Variants in ABCA4 observed in about 807,000 individuals in gnomAD.
ABCA4 encodes retinal-specific phospholipid-transporting ATPase ABCA4.
A neutral mutation model predicts 263.7 loss-of-function variants in ABCA4; 196 were observed. The observed-to-expected ratio is 0.74, with a 90% confidence interval of 0.66 to 0.84. The LOEUF is 0.84. Among genes scored for constraint, ABCA4 ranks in the 40% least tolerant of loss-of-function variants. The pLI, the probability that ABCA4 is intolerant of heterozygous loss-of-function variation, is 0.00. For missense variants in ABCA4, 2,792 were observed against 2,855.1 expected (o/e 0.98, Z 0.50); for synonymous variants, 1,133 against 1,094.2 (o/e 1.04, Z -0.70).
chr1:94,065,319 C>G (rs1280822864), intron 11 of ABCA4, among the ~76,000 whole-genome samples: 2 of 152,168 alleles, frequency 1.3e-5, no homozygotes, highest in East Asian at 1.9e-4. Context: ...GTGACTCCCC[C>G]AGAGGCGTGG....
intron 19 of ABCA4, chr1:94,045,578 T>C (rs924507166): frequency 8.1e-6 from 3 of 369,856 alleles, no homozygotes; most frequent in African/African-American, 2.1e-5. Context: ...CCATATCAGT[T>C]AGCATGGAGA....
At chr1:94,055,496 GTC>G (rs1660951371) in intron 15 of ABCA4, among the ~76,000 whole-genome samples, 181 bp from the exon 16 acceptor site, 2 of 152,094 alleles carry the variant, frequency 1.3e-5, no homozygotes, top group African/African-American at 4.8e-5. Flanking sequence ...AGTTCAGAGT[GTC>G]TCTCTGCAAA....
chr1:93,995,146 G>A (rs1658964864), intron 49 of ABCA4, among the ~76,000 whole-genome samples: 2 of 152,198 alleles, frequency 1.3e-5, no homozygotes, highest in African/African-American at 4.8e-5. Context: ...TAAGGGGTGG[G>A]AAGACAAAGT....
intron 4 of ABCA4, 75 bp downstream of exon 4, chr1:94,108,502 C>T: frequency 2.5e-6 from 4 of 1,602,830 alleles, no homozygotes; most frequent in Non-Finnish European, 3.4e-6. Context: ...ACCAACTCTC[C>T]CTGTTCTTTC....
intron 11 of ABCA4, among the ~76,000 whole-genome samples, chr1:94,069,362 T>G (rs1661349999): frequency 6.6e-6 from 1 of 152,150 alleles, no homozygotes; most frequent in Non-Finnish European, 1.5e-5. Flanking sequence ...ATGATCAAAG[T>G]GGGGAGCAAC....
At chr1:94,011,432 C>G (rs1174230275) in intron 38 of ABCA4, 47 bp from the exon 39 acceptor site, 22 of 1,603,164 alleles carry the variant, frequency 1.4e-5, no homozygotes, top group South Asian at 2.2e-5. Context: ...AACCCCACCC[C>G]CCCTCTCTTC....
At chr1:94,009,618 C>A (rs1557763159) in intron 40 of ABCA4, among the ~76,000 whole-genome samples, 3 of 152,216 alleles carry the variant, frequency 2.0e-5, no homozygotes, top group Non-Finnish European at 1.5e-5. Flanking sequence ...TCCTGCCCCA[C>A]CAAATGGAAT....
chr1:94,109,414 C>A (rs1331754459), intron 3 of ABCA4, among the ~76,000 whole-genome samples: 1 of 152,234 alleles, frequency 6.6e-6, no homozygotes, highest in Non-Finnish European at 1.5e-5. Context: ...TCCACAAGGA[C>A]CTCCCTGCAC....
At chr1:94,048,810 C>T (rs1366250911) in intron 18 of ABCA4, 58 bp downstream of exon 18, 12 of 1,543,086 alleles carry the variant, frequency 7.8e-6, no homozygotes, top group Non-Finnish European at 1.1e-5. Context: ...CTCTGGCCCT[C>T]TGCAGTGCTT....
chr1:94,084,299 G>A (rs931245663), intron 6 of ABCA4, among the ~76,000 whole-genome samples: 1 of 152,256 alleles, frequency 6.6e-6, no homozygotes, highest in Admixed American at 6.5e-5. Flanking sequence ...GAGTAGGTGT[G>A]AAGTGAGCAC....
chr1:94,027,992 T>C (rs1276993929), intron 30 of ABCA4, among the ~76,000 whole-genome samples: 2 of 152,242 alleles, frequency 1.3e-5, no homozygotes. Context: ...TTGTTTTATC[T>C]GCTGTTAGTT....
intron 6 of ABCA4, among the ~76,000 whole-genome samples, chr1:94,088,128 A>G (rs545581760): frequency 2.6e-5 from 4 of 152,298 alleles, no homozygotes; most frequent in African/African-American, 9.6e-5. Flanking sequence ...AAGATGCTTT[A>G]TCAAGAACCC....
chr1:94,080,807 T>C, intron 7 of ABCA4, 89 bp from the exon 8 acceptor site: 1 of 1,567,556 alleles, frequency 6.4e-7, no homozygotes, highest in South Asian at 1.1e-5. Flanking sequence ...TGGTTTGACT[T>C]CCACATTTAA....
chr1:94,021,176 C>T, intron 35 of ABCA4, 64 bp downstream of exon 35: 1 of 1,608,392 alleles, frequency 6.2e-7, no homozygotes. Context: ...AGAATCCTCT[C>T]AGGATGTTCA....
intron 38 of ABCA4, among the ~76,000 whole-genome samples, chr1:94,013,602 G>T (rs935568019): frequency 6.6e-5 from 10 of 152,210 alleles, no homozygotes; most frequent in Non-Finnish European, 1.5e-4. Flanking sequence ...TGGGGACTGG[G>T]AGTGTGGAGT....
Position 94,080,659 on chromosome 1 carries a change from A to G in ABCA4, c.918T>C (p.Asn306=). 1 of 1,614,114 alleles carries G rather than the reference A, an allele frequency of 6.2e-7. No homozygotes were observed. Among genetic ancestry groups the G allele is most frequent in the South Asian group, 1.1e-5 (1 of 91,064 alleles). The change falls in exon 8 of 50, where the codon AAT becomes AAC. Residue 306 remains asparagine (N), a synonymous_variant. Transcript: ENST00000370225. ...GCTTTGTAAAGGTCTCTGGACCACCATTCTGCATGAGGGGCCTGGTCACCC... is the reference window on the plus strand; with the variant it reads ...GCTTTGTAAAGGTCTCTGGACCACCGTTCTGCATGAGGGGCCTGGTCACCC... ...LLWVTRPLMQ[N]GGPETFTKLM...
At chr1:94,022,842 T>C (rs17110878) in intron 32 of ABCA4, among the ~76,000 whole-genome samples, 5,932 of 152,214 alleles carry the variant, frequency 0.039, 394 homozygotes, top group African/African-American at 0.14. Flanking sequence ...CGGTCTAGAA[T>C]CTGCCCAGGA....
At chr1:94,048,351 G>A (rs79760310) in intron 18 of ABCA4, among the ~76,000 whole-genome samples, 1 of 152,234 alleles carries the variant, frequency 6.6e-6, no homozygotes, top group Non-Finnish European at 1.5e-5. Flanking sequence ...GTAAATCTGG[G>A]TCGTCAGTTT....
In ABCA4 at chr1:94,026,650, T is replaced by C. The variant is rs376613803; in HGVS notation, c.4540-1602A>G. Among the ~76,000 whole-genome samples the C allele has an allele frequency of 1.2e-4, 19 of 152,332 alleles. 1 individual carries two copies. The highest frequency in any genetic ancestry group is 7.2e-4 in the Admixed American group (11 of 15,302). On this transcript the variant is annotated intron_variant, in intron 30 of 49. Coordinates refer to ENST00000370225, the MANE Select transcript of ABCA4 (RefSeq NM_000350.3). ...CGATAGCTTATGATAAATTGTTTTA[T>C]AAAAGTTCTGCCCAATAAAATATTT... is the stretch of plus-strand genomic sequence containing the variant.
Sources: gnomAD v4.1 joint callset for allele counts (sites outside exome capture counted in the v4.1 genomes callset) on GRCh38, gnomAD v4.1.1 for gene constraint, MANE v1.5 for transcripts, NCBI Gene and HGNC (gene_info 2026-07-23, HGNC 2026-07-21) for gene names.